Variants in TLR1 observed in about 807,000 individuals in gnomAD.
TLR1 encodes the protein toll-like receptor 1.
In TLR1, 19 loss-of-function variants were observed where a neutral mutation model predicts 20.2. That is an observed-to-expected ratio of 0.94 (90% CI 0.66 to 1.38). The LOEUF is 1.38. Among genes scored for constraint, TLR1 ranks in the 40% most tolerant of loss-of-function variants. TLR1 has a pLI of 0.00. For missense variants in TLR1, 921 were observed against 910.0 expected (o/e 1.01, Z -0.16); for synonymous variants, 320 against 334.5 (o/e 0.96, Z 0.47).
chr4:38,798,728 C>A lies in TLR1; in HGVS notation c.104G>T (p.Gly35Val), dbSNP rs766272702. 2.5e-6 allele frequency: 4 copies of A among 1,613,334 alleles called. No homozygotes were observed. The East Asian group carries it at 8.9e-5, about 36-fold the overall frequency. ...TAGGTCTTTAGGAACGTGGATGAGA[C>A]CGTTTTTTGACCTATCAACTAAAAA... ...SEFLVDRSKNGLIHVPKDLSQ... is the reference protein window; with the variant it reads ...SEFLVDRSKNVLIHVPKDLSQ... Residue 35 changes from glycine to valine, a missense_variant, in exon 4 of 4, where the codon GGT becomes GTT. Transcript: ENST00000308979.
At position 38,797,861 on chromosome 4, in the gene TLR1, G is replaced by A. The variant is rs143619350; in HGVS notation, c.971C>T (p.Ser324Leu). The change falls in exon 4 of 4, where the codon TCG becomes TTG. Residue 324 changes from serine (S) to leucine (L), a missense_variant. Coordinates refer to ENST00000308979, the MANE Select transcript of TLR1 (RefSeq NM_003263.4). ...TGTGAAATTTTTGATGTTCATATTC[G>A]AAAAGATTTCATAGATATAACTTTG... ...FPQSYIYEIF[S>L]NMNIKNFTVS... 1.5e-4 allele frequency: 238 copies of A among 1,613,874 alleles called. 2 individuals carry two copies. Among genetic ancestry groups the A allele is most frequent in the Middle Eastern group, 3.3e-4 (2 of 6,084 alleles).
intron 3 of TLR1, among the ~76,000 whole-genome samples, chr4:38,800,188 A>T (rs1288812051): frequency 6.6e-6 from 1 of 152,176 alleles, no homozygotes; most frequent in Non-Finnish European, 1.5e-5. Flanking sequence ...GGCAAGTATA[A>T]AGGACCTGAG....
At chr4:38,792,622 A>G (rs1175642441), downstream of TLR1, among the ~76,000 whole-genome samples, 1 of 152,070 alleles carries the variant, frequency 6.6e-6, no homozygotes, top group Non-Finnish European at 1.5e-5. Context: ...AAGACATAAC[A>G]TAAAAATTAC....
rs1726427574 is a variant in TLR1 at position 38,798,861 on chromosome 4, A to G, written c.-30T>C. ...GAACACTAGACATTCCTAAAGGTAG[A>G]AGCTGTTCTTCAGATCATCTTGATA... On this transcript the variant is annotated 5_prime_UTR_variant, in exon 4 of 4. Coordinates refer to ENST00000308979, the MANE Select transcript of TLR1 (RefSeq NM_003263.4). The G allele has an allele frequency of 6.7e-7, 1 of 1,499,570 alleles. No homozygotes were observed. The highest frequency in any genetic ancestry group is 1.4e-5 in the African/African-American group (1 of 71,368). 92.9% of individuals were successfully genotyped at this position (1,499,570 alleles called of 1,614,324 possible).
rs150324397 is a variant in TLR1 at position 38,798,953 on chromosome 4, C to A, written c.-67-55G>T. 74 of 859,540 alleles carry A rather than the reference C, an allele frequency of 8.6e-5. 1 individual carries two copies. Among genetic ancestry groups the A allele is most frequent in the South Asian group, 8.1e-4 (35 of 43,280 alleles). The allele number at this position is 859,540 out of a possible 1,614,324, so 53.2% of individuals were successfully genotyped here. A position where few individuals can be genotyped will look rare whatever the true frequency, so the allele number is the denominator to read the frequency against. ...ACATTACATACATTTTTAAAATACA[C>A]GAAATTAGTCATGGCTGACATTAAA... On this transcript the variant is annotated intron_variant, in intron 3 of 3. Coordinates refer to ENST00000308979, the MANE Select transcript of TLR1 (RefSeq NM_003263.4).
At chr4:38,791,986 G>C (rs574132075), downstream of TLR1, among the ~76,000 whole-genome samples, 2 of 152,298 alleles carry the variant, frequency 1.3e-5, no homozygotes, top group Admixed American at 1.3e-4. Flanking sequence ...GCCACCTCTA[G>C]AGTGAATAGC....
chr4:38,795,275 C>T (rs1370561948), downstream of TLR1, among the ~76,000 whole-genome samples: 1 of 152,130 alleles, frequency 6.6e-6, no homozygotes, highest in East Asian at 1.9e-4. Flanking sequence ...AGTCATGGGG[C>T]ATAAAGTGAA....
At chr4:38,802,525 G>A (rs5743582) in intron 2 of TLR1, among the ~76,000 whole-genome samples, 10,500 of 152,284 alleles carry the variant, frequency 0.069, 783 homozygotes, top group Non-Finnish European at 0.1. Flanking sequence ...TGCACATGCA[G>A]ACAGCCCACC....
At chr4:38,799,938 T>C (rs1182861146) in intron 3 of TLR1, among the ~76,000 whole-genome samples, 1 of 152,128 alleles carries the variant, frequency 6.6e-6, no homozygotes, top group Non-Finnish European at 1.5e-5. Context: ...TTTTATCTAG[T>C]GGGGAGACAG....
chr4:38,796,816 G>A lies in TLR1; in HGVS notation c.2016C>T (p.Asn672=). 1.9e-6 allele frequency: 3 copies of A among 1,614,226 alleles called. No individual in the cohort carries two copies. Among genetic ancestry groups the A allele is most frequent in the Non-Finnish European group, 2.5e-6 (3 of 1,180,044 alleles). The change falls in exon 4 of 4, where the codon AAC becomes AAT. Residue 672 remains asparagine, a synonymous_variant. Transcript: ENST00000308979. ...CCACAATGCTCTTGCCAGGAACAAA[G>A]TTTCTCTCATGAAGGCAAATCTGCA... ...EGMQICLHER[N]FVPGKSIVEN...
chr4:38,791,249 G>A (rs1725710230), intron 3 of TLR1: 1 of 152,182 alleles, frequency 6.6e-6, no homozygotes, highest in Admixed American at 6.5e-5. Flanking sequence ...CACAGGGGTT[G>A]GGGACTTGAG....
In TLR1 at chr4:38,796,306, A is replaced by G; in HGVS notation, c.*165T>C. On this transcript the variant is annotated 3_prime_UTR_variant, in exon 4 of 4. Coordinates refer to ENST00000308979, the MANE Select transcript of TLR1 (RefSeq NM_003263.4). ...AGTTATATCATTTCATTAATTTTTAATACCACATATAAATGGTGAACTGCG... is the reference window on the plus strand; with the variant it reads ...AGTTATATCATTTCATTAATTTTTAGTACCACATATAAATGGTGAACTGCG... 1 of 693,780 alleles carries G rather than the reference A, an allele frequency of 1.4e-6. No homozygotes were observed. Among genetic ancestry groups the G allele is most frequent in the South Asian group, 2.1e-5 (1 of 46,790 alleles). The allele number at this position is 693,780 out of a possible 1,614,324, so 43.0% of individuals were successfully genotyped here. A position where few individuals can be genotyped will look rare whatever the true frequency, so the allele number is the denominator to read the frequency against.
chr4:38,789,348 G>T (rs1328504469), downstream of TLR1, among the ~76,000 whole-genome samples: 1 of 152,144 alleles, frequency 6.6e-6, no homozygotes, highest in African/African-American at 2.4e-5. Flanking sequence ...TTAATAATTT[G>T]TCAAAGCATT....
At chr4:38,791,084 C>T (rs1388518215) in exon 4 of TLR1, 1 of 152,210 alleles carries the variant, frequency 6.6e-6, no homozygotes, top group East Asian at 1.9e-4. Flanking sequence ...TGAAGTCCAT[C>T]ACACAGTTCC....
In TLR1 at chr4:38,798,572, CTG is replaced by C; in HGVS notation, c.258_259del (p.Ile86MetfsTer38). 3 of 1,614,102 alleles carry C rather than the reference CTG, an allele frequency of 1.9e-6. No individual in the cohort carries two copies. The highest frequency in any genetic ancestry group is 2.5e-6 in the Non-Finnish European group (3 of 1,180,018). On this transcript the variant is annotated frameshift_variant, in exon 4 of 4. Coordinates refer to ENST00000308979, the MANE Select transcript of TLR1 (RefSeq NM_003263.4). LOFTEE classifies it low-confidence loss of function (END_TRUNC). ...CAATTCCTGGTTGAATTTGAAAACA[CTG>C]ATATCAAGATACTGGATTCTATTAT...
chr4:38,802,815 C>T (rs1726761453), intron 2 of TLR1, among the ~76,000 whole-genome samples: 1 of 152,180 alleles, frequency 6.6e-6, no homozygotes, highest in African/African-American at 2.4e-5. Context: ...TTATCATAGC[C>T]ATGTAGACAT....
At position 38,801,828 on chromosome 4, in the gene TLR1, A is replaced by G. The variant is rs5743588; in HGVS notation, c.-159-880T>C. Among the ~76,000 whole-genome samples the G allele has an allele frequency of 8.4e-3, 1,282 of 152,324 alleles. 23 individuals carry two copies. Among genetic ancestry groups the G allele is most frequent in the African/African-American group, 0.029 (1,212 of 41,560 alleles). On this transcript the variant is annotated intron_variant, in intron 2 of 3. Coordinates refer to ENST00000308979, the MANE Select transcript of TLR1 (RefSeq NM_003263.4). ...TGTTAGAGTAGGTACTTAGGCAGACATGAGCAGGACAGGAGAGGGGCCCCC... is the reference window on the plus strand; with the variant it reads ...TGTTAGAGTAGGTACTTAGGCAGACGTGAGCAGGACAGGAGAGGGGCCCCC...
upstream of TLR1, chr4:38,804,812 T>C (rs1392530290): frequency 6.8e-6 from 1 of 146,874 alleles, no homozygotes; most frequent in Non-Finnish European, 1.5e-5. Flanking sequence ...AGCACTTCCT[T>C]GAATTTATTT....
intron 3 of TLR1, chr4:38,800,456 G>T (rs1190154462): frequency 6.6e-6 from 1 of 152,078 alleles, no homozygotes; most frequent in Non-Finnish European, 1.5e-5. Flanking sequence ...CCATGCAGTG[G>T]TAGGCACTGT....
Sources: gnomAD v4.1 joint callset for allele counts (sites outside exome capture counted in the v4.1 genomes callset) on GRCh38, gnomAD v4.1.1 for gene constraint, MANE v1.5 for transcripts, NCBI Gene and HGNC (gene_info 2026-07-23, HGNC 2026-07-21) for gene names.